The following TRPM1 variants were observed in gnomAD, a reference collection of about 807,000 sequenced individuals.
The protein encoded by TRPM1 is transient receptor potential cation channel subfamily M member 1, also known as TRPM1-203 APA Isoform, Intron 10.
Under a neutral mutation model 149.4 loss-of-function variants are expected in TRPM1, and 113 were observed. That is an observed-to-expected ratio of 0.76 (90% confidence interval 0.65 to 0.88). The LOEUF (loss-of-function observed/expected upper bound fraction) is 0.88, where lower values mean the gene tolerates loss of function less well. Ranked by LOEUF, TRPM1 falls within the 40% of genes least tolerant of loss-of-function variation. TRPM1 has a pLI of 0.00. For missense variants in TRPM1, 1,976 were observed against 2,038.7 expected (o/e 0.97, Z 0.59); for synonymous variants, 741 against 759.5 (o/e 0.98, Z 0.40).
upstream of TRPM1, among the ~76,000 whole-genome samples, chr15:31,105,474 C>A (rs544592012): frequency 1.0e-5 from 1 of 99,748 alleles, no homozygotes; most frequent in Non-Finnish European, 2.0e-5. Context: ...TGTGTGTGTG[C>A]GCGCGCGCGC....
At chr15:31,108,589 G>T (rs1018406238) in intron 1 of TRPM1, among the ~76,000 whole-genome samples, 1 of 152,184 alleles carries the variant, frequency 6.6e-6, no homozygotes, top group Admixed American at 6.5e-5. Context: ...TGCATCCCGG[G>T]TTCAAGTGAT....
intron 1 of TRPM1, among the ~76,000 whole-genome samples, chr15:31,157,208 T>C (rs139438370): frequency 3.8e-4 from 58 of 152,294 alleles, no homozygotes; most frequent in African/African-American, 1.4e-3. Context: ...CCACCACGCC[T>C]GGCTAGTGGC....
intron 25 of TRPM1, 111 bp from the exon 26 acceptor site, chr15:31,027,228 T>G (rs1194369148): frequency 1.1e-6 from 1 of 923,250 alleles, no homozygotes; most frequent in East Asian, 2.6e-5. Context: ...GATGGCCTTT[T>G]AGTGCCCTTT....
At chr15:31,048,507 C>T (rs187606741) in intron 13 of TRPM1, among the ~76,000 whole-genome samples, 182 of 152,140 alleles carry the variant, frequency 1.2e-3, no homozygotes, top group African/African-American at 4.3e-3. Context: ...GTTAATAATT[C>T]ATCAAGTTGG....
At chr15:31,110,402 G>C (rs755076068) in intron 1 of TRPM1, among the ~76,000 whole-genome samples, 1 of 152,138 alleles carries the variant, frequency 6.6e-6, no homozygotes. Context: ...TTTGATTACC[G>C]TAAACTCTGC....
At chr15:31,087,439 A>G (rs1251759333) in intron 1 of TRPM1, among the ~76,000 whole-genome samples, 1 of 151,606 alleles carries the variant, frequency 6.6e-6, no homozygotes, top group Non-Finnish European at 1.5e-5. Context: ...TATTTTTAGT[A>G]GAGACGGGGT....
At chr15:31,108,075 C>T (rs1014027746) in intron 1 of TRPM1, among the ~76,000 whole-genome samples, 3 of 152,256 alleles carry the variant, frequency 2.0e-5, no homozygotes, top group Admixed American at 2.0e-4. Context: ...CCAGGCTGGT[C>T]TCGAACTCCT....
At chr15:31,056,585 C>A (rs2034092995) in intron 11 of TRPM1, among the ~76,000 whole-genome samples, 1 of 152,252 alleles carries the variant, frequency 6.6e-6, no homozygotes, top group South Asian at 2.1e-4. Context: ...AAGTGTCCCC[C>A]AAAGTTCTTG....
chr15:31,038,744 C>T (rs1041889067), intron 18 of TRPM1, among the ~76,000 whole-genome samples: 1 of 151,556 alleles, frequency 6.6e-6, no homozygotes, highest in Non-Finnish European at 1.5e-5. Flanking sequence ...AAATAAAAGT[C>T]CTTACATGAA....
At position 31,050,538 on chromosome 15, in the gene TRPM1, C is replaced by T. The variant is rs764243492; in HGVS notation, c.1308G>A (p.Glu436=). 11 of 1,614,018 alleles carry T rather than the reference C, an allele frequency of 6.8e-6. No homozygotes were observed. The East Asian group carries it at 2.5e-4, about 36-fold the overall frequency. ...TGGCCATGGGTGGCTTCTTCTCCTT[C>T]TCCGTGGCTTTGCTGTCCGTCGGGG... ...LAPPTDSKAT[E]KEKKPPMATT... The change falls in exon 12 of 28, where the codon GAG becomes GAA. Residue 436 remains glutamate (E), a synonymous_variant. Coordinates refer to ENST00000256552, the MANE Select transcript of TRPM1 (RefSeq NM_001252024.2).
At chr15:31,098,912 G>C (rs1315508495) in intron 1 of TRPM1, among the ~76,000 whole-genome samples, 1 of 152,168 alleles carries the variant, frequency 6.6e-6, no homozygotes, top group Admixed American at 6.5e-5. Flanking sequence ...TCTCAGCAGC[G>C]GGGGAGGGGA....
chr15:31,042,159 C>G lies in TRPM1; in HGVS notation c.1879G>C (p.Val627Leu), dbSNP rs17815774. ...EIDIDVDDPA[V>L]SRFQYPFHEL... is the part of the protein sequence containing the mutation. ...TGGAAGGGATACTGGAACCGACTCA[C>G]GGCAGGGTCGTCCACATCAATGTCG... The change falls in exon 17 of 28, where the codon GTG becomes CTG. Residue 627 changes from valine (V) to leucine (L), a missense_variant. By Grantham distance (32) the Val-to-Leu change is conservative (BLOSUM62 1). Coordinates refer to ENST00000256552, the MANE Select transcript of TRPM1 (RefSeq NM_001252024.2). 3.1e-6 allele frequency: 5 copies of G among 1,614,150 alleles called. No individual in the cohort carries two copies. Among genetic ancestry groups the G allele is most frequent in the Middle Eastern group, 3.3e-4 (2 of 6,062 alleles).
chr15:31,119,885 G>A (rs765177145), intron 1 of TRPM1, among the ~76,000 whole-genome samples: 11 of 152,118 alleles, frequency 7.2e-5, no homozygotes, highest in Non-Finnish European at 1.5e-4. Context: ...AAGAGAGAAC[G>A]TGGAATTTTA....
intron 1 of TRPM1, among the ~76,000 whole-genome samples, chr15:31,158,571 G>C (rs773669346): frequency 2.2e-5 from 3 of 138,466 alleles, no homozygotes; most frequent in Non-Finnish European, 3.0e-5. Context: ...AGGTTGCAGT[G>C]AACTGAGATC....
chr15:31,065,835 C>T (rs1055874254), intron 7 of TRPM1, among the ~76,000 whole-genome samples: 3 of 152,192 alleles, frequency 2.0e-5, no homozygotes, highest in Non-Finnish European at 2.9e-5. Context: ...ATCACCATGG[C>T]GAGCACTGAG....
rs575105873 is a variant in TRPM1 at position 31,038,261 on chromosome 15, C to A, written c.2317-95G>T. On this transcript the variant is annotated intron_variant, in intron 18 of 27. Coordinates refer to ENST00000256552, the MANE Select transcript of TRPM1 (RefSeq NM_001252024.2). Reference sequence around the variant, plus strand: ...TTAAATTATGACCTTCAACATTATTCAATAACCTAGGAGCCCTGGAATGTT... The same window carrying A: ...TTAAATTATGACCTTCAACATTATTAAATAACCTAGGAGCCCTGGAATGTT... 13 of 1,406,558 alleles carry A rather than the reference C, an allele frequency of 9.2e-6. No individual in the cohort carries two copies. The South Asian group carries it at 1.6e-4, about 17-fold the overall frequency. 87.1% of individuals were successfully genotyped at this position (1,406,558 alleles called of 1,614,324 possible). A position where few individuals can be genotyped will look rare whatever the true frequency, so the allele number is the denominator to read the frequency against.
chr15:31,088,652 A>T (rs1329828456), intron 1 of TRPM1, among the ~76,000 whole-genome samples: 1 of 152,200 alleles, frequency 6.6e-6, no homozygotes, highest in East Asian at 1.9e-4. Flanking sequence ...GACATGCCAC[A>T]CTCACGGACT....
At chr15:31,047,839 G>A (rs1461525296) in intron 14 of TRPM1, 50 bp downstream of exon 14, 11 of 1,466,490 alleles carry the variant, frequency 7.5e-6, no homozygotes, top group Non-Finnish European at 1.1e-5. Flanking sequence ...CTTAAGAAAT[G>A]ATTTTGTGAA....
At chr15:31,101,344 C>T (rs982934391) in intron 1 of TRPM1, among the ~76,000 whole-genome samples, 1 of 152,178 alleles carries the variant, frequency 6.6e-6, no homozygotes, top group Non-Finnish European at 1.5e-5. Flanking sequence ...TGTGAATCAA[C>T]CTGGTGGGTC....
Sources: gnomAD v4.1 joint callset for allele counts (sites outside exome capture counted in the v4.1 genomes callset) on GRCh38, gnomAD v4.1.1 for gene constraint, MANE v1.5 for transcripts, NCBI Gene and HGNC (gene_info 2026-07-23, HGNC 2026-07-21) for gene names.